TRIO: variants seen among roughly 807,000 people sequenced by gnomAD.
TRIO encodes the protein triple functional domain protein.
In TRIO, 58 loss-of-function variants were observed where a neutral mutation model predicts 351.9. The observed-to-expected ratio is 0.16, with a 90% confidence interval of 0.13 to 0.21. The LOEUF (loss-of-function observed/expected upper bound fraction) is 0.21, where lower values mean the gene tolerates loss of function less well. Ranked by LOEUF, TRIO falls within the 10% of genes least tolerant of loss-of-function variation. TRIO has a pLI of 1.00. For synonymous variants in TRIO, 1,758 were observed against 1,595.7 expected (o/e 1.10, Z -2.42); for missense variants, 3,201 against 4,027.8 (o/e 0.79, Z 5.56).
At chr5:14,306,454 A>G (rs898197894) in intron 8 of TRIO, among the ~76,000 whole-genome samples, 6 of 152,234 alleles carry the variant, frequency 3.9e-5, no homozygotes, top group African/African-American at 1.4e-4. Flanking sequence ...CTTTCCCGTG[A>G]TGTGCCATCT....
At chr5:14,416,523 G>A (rs1287597130) in intron 33 of TRIO, among the ~76,000 whole-genome samples, 2 of 152,136 alleles carry the variant, frequency 1.3e-5, no homozygotes, top group Non-Finnish European at 2.9e-5. Context: ...GAAATATTCT[G>A]TTGTTGGATT....
chr5:14,455,916 C>T (rs987567849), intron 34 of TRIO, among the ~76,000 whole-genome samples: 19 of 152,376 alleles, frequency 1.2e-4, no homozygotes, highest in African/African-American at 3.6e-4. Flanking sequence ...CTTGGGCAGT[C>T]GATGGGACCG....
At chr5:14,401,186 A>T (rs1024526425) in intron 31 of TRIO, 122 bp downstream of exon 31, 7 of 773,234 alleles carry the variant, frequency 9.1e-6, no homozygotes, top group Admixed American at 3.3e-5. Flanking sequence ...TGTGTGTTCT[A>T]TTCAGATTGG....
At chr5:14,432,844 C>T (rs1401329611) in intron 34 of TRIO, among the ~76,000 whole-genome samples, 1 of 152,208 alleles carries the variant, frequency 6.6e-6, no homozygotes, top group East Asian at 1.9e-4. Flanking sequence ...CTTTGCTCTT[C>T]CTTAAAGGAG....
chr5:14,403,234 G>T (rs1403838580), intron 31 of TRIO, among the ~76,000 whole-genome samples: 1 of 143,074 alleles, frequency 7.0e-6, no homozygotes, highest in South Asian at 2.4e-4. Flanking sequence ...TGAGGGTGTA[G>T]GTTGTGGTGA....
intron 2 of TRIO, among the ~76,000 whole-genome samples, chr5:14,272,391 G>T (rs927300331): frequency 6.6e-6 from 1 of 152,148 alleles, no homozygotes; most frequent in African/African-American, 2.4e-5. Flanking sequence ...TGTGAAGAAA[G>T]GTGGAAGGTT....
At chr5:14,401,215 T>TAGTGGAATA in intron 31 of TRIO, 151 bp downstream of exon 31, 1 of 649,098 alleles carries the variant, frequency 1.5e-6, no homozygotes, top group Non-Finnish European at 2.5e-6. Context: ...ACAAAAAGAA[T>TAGTGGAATA]AGTGGAATAA....
intron 18 of TRIO, 135 bp downstream of exon 18, chr5:14,369,658 G>GC: frequency 8.9e-7 from 1 of 1,124,292 alleles, no homozygotes; most frequent in East Asian, 2.9e-5. Context: ...GGGCAGTGTC[G>GC]CATCAGTGAG....
At chr5:14,166,911 C>T (rs1414461881) in intron 1 of TRIO, among the ~76,000 whole-genome samples, 1 of 152,046 alleles carries the variant, frequency 6.6e-6, no homozygotes, top group African/African-American at 2.4e-5. Flanking sequence ...AAGCAGCTAC[C>T]CCTGTTTGTT....
intron 1 of TRIO, among the ~76,000 whole-genome samples, chr5:14,207,520 C>T (rs1364497857): frequency 3.2e-5 from 1 of 30,824 alleles, no homozygotes; most frequent in African/African-American, 7.8e-5. Flanking sequence ...AAGACTGTCT[C>T]TCTACACACA....
At chr5:14,375,539 C>G (rs1172229266) in intron 19 of TRIO, among the ~76,000 whole-genome samples, 2 of 152,134 alleles carry the variant, frequency 1.3e-5, no homozygotes, top group Non-Finnish European at 1.5e-5. Flanking sequence ...TTCTGTTTCC[C>G]TCAGAGCCTA....
At chr5:14,375,625 A>G (rs1745484442) in intron 19 of TRIO, among the ~76,000 whole-genome samples, 1 of 152,156 alleles carries the variant, frequency 6.6e-6, no homozygotes, top group African/African-American at 2.4e-5. Flanking sequence ...CAGAAAAGAC[A>G]GTCTAACCCC....
intron 37 of TRIO, 52 bp downstream of exon 37, chr5:14,465,692 C>T (rs765340354): frequency 6.3e-7 from 1 of 1,587,194 alleles, no homozygotes; most frequent in Non-Finnish European, 8.6e-7. Context: ...TGTGTTGCTA[C>T]TTGCAGATGG....
chr5:14,484,439 C>A (rs1755767871), intron 46 of TRIO, among the ~76,000 whole-genome samples: 1 of 152,104 alleles, frequency 6.6e-6, no homozygotes, highest in African/African-American at 2.4e-5. Context: ...AGTTTAACAG[C>A]CTTGTATTCC....
intron 9 of TRIO, among the ~76,000 whole-genome samples, chr5:14,318,279 C>CAAAAAAAAA (rs759632595): frequency 2.8e-4 from 13 of 46,510 alleles, no homozygotes; most frequent in African/African-American, 8.8e-4. Flanking sequence ...GACTCTATCT[C>CAAAAAAAAA]AAAAAAAAAA....
chr5:14,335,041 G>GTGTA (rs1237461357), intron 10 of TRIO, among the ~76,000 whole-genome samples: 3 of 152,080 alleles, frequency 2.0e-5, no homozygotes, highest in African/African-American at 7.2e-5. Flanking sequence ...GTGTGTGTGT[G>GTGTA]TACACATGCG....
chr5:14,144,644 C>T (rs1787385775), intron 1 of TRIO, among the ~76,000 whole-genome samples: 1 of 151,942 alleles, frequency 6.6e-6, no homozygotes, highest in South Asian at 2.1e-4. Context: ...GAGGTGGAGG[C>T]GGTGCCAGGT....
At chr5:14,298,023 G>GTTTC (rs1737516091) in intron 7 of TRIO, among the ~76,000 whole-genome samples, 1 of 152,240 alleles carries the variant, frequency 6.6e-6, no homozygotes, top group Non-Finnish European at 1.5e-5. Flanking sequence ...GTGGGGGAAA[G>GTTTC]GGTGGATCTG....
intron 34 of TRIO, among the ~76,000 whole-genome samples, chr5:14,439,426 T>C (rs1164393138): frequency 6.6e-6 from 1 of 152,252 alleles, no homozygotes; most frequent in Non-Finnish European, 1.5e-5. Flanking sequence ...AGAGAACTTA[T>C]ATTACACATA....
Sources: allele counts gnomAD v4.1 joint callset (sites outside exome capture counted in the v4.1 genomes callset), GRCh38; gene constraint gnomAD v4.1.1; transcripts MANE v1.5; gene names NCBI Gene and HGNC (gene_info 2026-07-23, HGNC 2026-07-21).